Variants in NCAM2 observed in about 807,000 individuals in gnomAD.
The protein encoded by NCAM2 is neural cell adhesion molecule 2.
NCAM2 carries 30 observed loss-of-function variants against 98.1 expected under a neutral mutation model. That is an observed-to-expected ratio of 0.31 (90% CI 0.23 to 0.41). NCAM2 has a LOEUF of 0.41. Among genes scored for constraint, NCAM2 ranks in the 10% least tolerant of loss-of-function variants. The pLI, the probability that NCAM2 is intolerant of heterozygous loss-of-function variation, is 1.00. For missense variants in NCAM2, 867 were observed against 1,005.8 expected (o/e 0.86, Z 1.87); for synonymous variants, 368 against 342.4 (o/e 1.07, Z -0.83).
At chr21:21,052,196 C>A (rs145717927) in intron 1 of NCAM2, among the ~76,000 whole-genome samples, 1 of 140,218 alleles carries the variant, frequency 7.1e-6, no homozygotes, top group African/African-American at 2.9e-5. Context: ...CTCGCTCTGT[C>A]GCCCAGGCTG....
chr21:21,147,228 C>T (rs562596989), intron 1 of NCAM2: 9 of 985,212 alleles, frequency 9.1e-6, no homozygotes, highest in African/African-American at 7.0e-5. Flanking sequence ...GTTCTTAGTC[C>T]GTACCCGGCA....
chr21:21,070,545 A>G (rs1057121888), intron 1 of NCAM2, among the ~76,000 whole-genome samples: 6 of 152,022 alleles, frequency 3.9e-5, no homozygotes, highest in African/African-American at 1.2e-4. Flanking sequence ...GGAAAACATG[A>G]GTATTTATTT....
At chr21:21,233,197 C>T (rs2070696800) in intron 1 of NCAM2, among the ~76,000 whole-genome samples, 1 of 151,390 alleles carries the variant, frequency 6.6e-6, no homozygotes. Flanking sequence ...GCTTTTAGTT[C>T]TACCTCCCTC....
chr21:21,429,748 T>A (rs1048745855), intron 11 of NCAM2, among the ~76,000 whole-genome samples: 9 of 152,090 alleles, frequency 5.9e-5, no homozygotes, highest in Non-Finnish European at 1.0e-4. Flanking sequence ...GTTCTAAGAC[T>A]TTTGGATGCA....
At chr21:21,384,729 AT>A (rs1233022508) in intron 9 of NCAM2, among the ~76,000 whole-genome samples, 1 of 152,042 alleles carries the variant, frequency 6.6e-6, no homozygotes, top group Non-Finnish European at 1.5e-5. Flanking sequence ...ATGATAGAAA[AT>A]TCACTTATGG....
chr21:21,327,252 G>A (rs1160092604), intron 6 of NCAM2, among the ~76,000 whole-genome samples: 2 of 142,624 alleles, frequency 1.4e-5, no homozygotes, highest in African/African-American at 2.6e-5. Flanking sequence ...AGGTTGCAGT[G>A]AGCTGAGTTC....
intron 1 of NCAM2, among the ~76,000 whole-genome samples, chr21:21,069,514 C>T (rs574214992): frequency 6.6e-6 from 1 of 152,228 alleles, no homozygotes; most frequent in Admixed American, 6.5e-5. Flanking sequence ...TATAGTAATA[C>T]CTCTTTGCCA....
At chr21:21,357,023 A>AAATG (rs1555879925) in intron 8 of NCAM2, among the ~76,000 whole-genome samples, 4 of 146,602 alleles carry the variant, frequency 2.7e-5, no homozygotes, top group African/African-American at 9.9e-5. Flanking sequence ...ATAAATAAAT[A>AAATG]AATGTTTCTT....
At chr21:21,514,144 T>G (rs928015267) in intron 16 of NCAM2, among the ~76,000 whole-genome samples, 8 of 150,660 alleles carry the variant, frequency 5.3e-5, no homozygotes, top group Non-Finnish European at 7.4e-5. Flanking sequence ...ATAATTAAAT[T>G]TATATTTATA....
chr21:21,115,957 TTGTGTGTGTGTGTG>T (rs58824475), intron 1 of NCAM2, among the ~76,000 whole-genome samples: 22 of 147,278 alleles, frequency 1.5e-4, no homozygotes, highest in South Asian at 4.4e-4. Flanking sequence ...CTCTGAGATT[TTGTGTGTGTGTGTG>T]TGTGTGTGTG....
At chr21:21,272,073 G>A (rs2072523099) in intron 1 of NCAM2, among the ~76,000 whole-genome samples, 1 of 152,156 alleles carries the variant, frequency 6.6e-6, no homozygotes, top group Admixed American at 6.5e-5. Context: ...GTTCTAGTAA[G>A]GTCAGGTGAT....
At chr21:21,339,582 C>T (rs972768734) in intron 8 of NCAM2, among the ~76,000 whole-genome samples, 2 of 151,792 alleles carry the variant, frequency 1.3e-5, no homozygotes, top group Admixed American at 6.6e-5. Flanking sequence ...CTCCTTTAAA[C>T]TTTTTTCATT....
chr21:20,998,588 C>T lies in NCAM2; in HGVS notation c.25C>T (p.Leu9=), dbSNP rs2063961583. 6.2e-7 allele frequency: 1 copy of T among 1,614,138 alleles called. No individual in the cohort carries two copies. The highest frequency in any genetic ancestry group is 8.5e-7 in the Non-Finnish European group (1 of 1,180,010). The change falls in exon 1 of 18, where the codon CTG becomes TTG. Residue 9 remains leucine (L), a synonymous_variant. Coordinates refer to ENST00000400546, the MANE Select transcript of NCAM2 (RefSeq NM_004540.5). ...CATGAGCCTCCTCCTCTCCTTCTAC[C>T]TGCTGGGGTTGCTTGTCAGTAGCGG... MSLLLSFY[L]LGLLVSSGQA...
At chr21:21,381,386 GT>G (rs71195325) in intron 9 of NCAM2, among the ~76,000 whole-genome samples, 4 of 151,336 alleles carry the variant, frequency 2.6e-5, no homozygotes, top group South Asian at 2.1e-4. Flanking sequence ...TTTATATTCT[GT>G]TTTTTTTCCT....
At chr21:21,013,885 G>A (rs1445704773) in intron 1 of NCAM2, among the ~76,000 whole-genome samples, 1 of 152,184 alleles carries the variant, frequency 6.6e-6, no homozygotes, top group Non-Finnish European at 1.5e-5. Context: ...GATGCTGATG[G>A]AGAAGCTACA....
chr21:21,127,352 A>C (rs1444286091), intron 1 of NCAM2, among the ~76,000 whole-genome samples: 1 of 152,074 alleles, frequency 6.6e-6, no homozygotes, highest in African/African-American at 2.4e-5. Context: ...AATTGTACGT[A>C]CTTATGCAGT....
chr21:21,204,054 T>G (rs1269545881), intron 1 of NCAM2, among the ~76,000 whole-genome samples: 1 of 152,160 alleles, frequency 6.6e-6, no homozygotes, highest in African/African-American at 2.4e-5. Context: ...CAAGTGTCTA[T>G]TGAGTATCAA....
In NCAM2 at chr21:21,351,804, T is replaced by A. The variant is rs376654293; in HGVS notation, c.1044+13270T>A. Among the ~76,000 whole-genome samples the A allele has an allele frequency of 2.0e-3, 307 of 152,332 alleles. 6 individuals carry two copies. In the South Asian group the frequency reaches 0.037, roughly 19 times the overall value. ...CTCTGTTGCCCAAGCCAGAGTGCAG[T>A]GGCACGATCTCGGCTCACTGGAACC... On this transcript the variant is annotated intron_variant, in intron 8 of 17. Transcript: ENST00000400546.
chr21:21,082,225 T>TAAAAAAAAAA (rs57713170), intron 1 of NCAM2, among the ~76,000 whole-genome samples: 4 of 82,908 alleles, frequency 4.8e-5, no homozygotes, highest in African/African-American at 1.8e-4. Flanking sequence ...GAGAATCCTT[T>TAAAAAAAAAA]AAAAAAAAAA....
Sources: gnomAD v4.1 joint callset for allele counts (sites outside exome capture counted in the v4.1 genomes callset) on GRCh38, gnomAD v4.1.1 for gene constraint, MANE v1.5 for transcripts, NCBI Gene and HGNC (gene_info 2026-07-23, HGNC 2026-07-21) for gene names.